The following KCTD16 variants were observed in gnomAD, a reference collection of about 807,000 sequenced individuals.
KCTD16 encodes potassium channel tetramerization domain containing 16, also known as BTB/POZ domain-containing protein KCTD16.
Under a neutral mutation model 33.2 loss-of-function variants are expected in KCTD16, and 13 were observed. The ratio of observed to expected loss-of-function variants is 0.39; its 90% confidence interval spans 0.25 to 0.62. The LOEUF (loss-of-function observed/expected upper bound fraction) is 0.62, where lower values mean the gene tolerates loss of function less well. Among genes scored for constraint, KCTD16 ranks in the 20% least tolerant of loss-of-function variants. The probability of loss-of-function intolerance (pLI) is 0.50; values close to 1 mark genes in which losing one functional copy is unlikely to be tolerated. For synonymous variants in KCTD16, 197 were observed against 195.3 expected, an observed-to-expected ratio of 1.01 and a Z score of -0.07; for missense variants, 441 against 525.1, an observed-to-expected ratio of 0.84 and a Z score of 1.57.
chr5:144,263,217 G>C (rs1755058309), intron 3 of KCTD16, among the ~76,000 whole-genome samples: 1 of 152,154 alleles, frequency 6.6e-6, no homozygotes, highest in Admixed American at 6.5e-5. Flanking sequence ...GTCCAAACTG[G>C]TTTACAGCAA....
chr5:144,177,481 T>G (rs1011255423), intron 2 of KCTD16, among the ~76,000 whole-genome samples: 1 of 152,204 alleles, frequency 6.6e-6, no homozygotes, highest in African/African-American at 2.4e-5. Context: ...TGGCAAGGCT[T>G]TTTCCTTCTC....
intron 3 of KCTD16, among the ~76,000 whole-genome samples, chr5:144,456,508 T>C (rs1754066671): frequency 6.6e-6 from 1 of 152,118 alleles, no homozygotes; most frequent in African/African-American, 2.4e-5. Flanking sequence ...AGGGAGGACT[T>C]AGCCTAAACT....
chr5:144,417,898 A>C (rs1440163858), intron 3 of KCTD16, among the ~76,000 whole-genome samples: 1 of 152,154 alleles, frequency 6.6e-6, no homozygotes, highest in Non-Finnish European at 1.5e-5. Context: ...TGCTGACTTC[A>C]AGAATGAAGC....
chr5:144,213,956 T>G (rs940180509), intron 3 of KCTD16, among the ~76,000 whole-genome samples: 1 of 152,196 alleles, frequency 6.6e-6, no homozygotes, highest in Non-Finnish European at 1.5e-5. Context: ...CAGTGGGCCC[T>G]GTTGACTATG....
chr5:144,277,118 A>T (rs1233551174), intron 3 of KCTD16, among the ~76,000 whole-genome samples: 1 of 152,146 alleles, frequency 6.6e-6, no homozygotes, highest in African/African-American at 2.4e-5. Context: ...TGAAAAACTC[A>T]CTATCTATTT....
chr5:144,343,445 T>G (rs370781943), intron 3 of KCTD16, among the ~76,000 whole-genome samples: 3 of 152,222 alleles, frequency 2.0e-5, no homozygotes, highest in Admixed American at 1.3e-4. Context: ...CATTTTCTCT[T>G]ATGTCTATTT....
At chr5:144,190,778 T>G (rs1264644163) in intron 2 of KCTD16, among the ~76,000 whole-genome samples, 1 of 152,238 alleles carries the variant, frequency 6.6e-6, no homozygotes, top group South Asian at 2.1e-4. Flanking sequence ...TGCTTATTCA[T>G]TTATTGTCTA....
intron 3 of KCTD16, among the ~76,000 whole-genome samples, chr5:144,449,212 A>G (rs1753887480): frequency 6.6e-6 from 1 of 152,016 alleles, no homozygotes; most frequent in African/African-American, 2.4e-5. Flanking sequence ...GAAGTGAAAG[A>G]TTTGTACACT....
chr5:144,449,086 G>T (rs1042870390), intron 3 of KCTD16, among the ~76,000 whole-genome samples: 1 of 151,958 alleles, frequency 6.6e-6, no homozygotes, highest in Non-Finnish European at 1.5e-5. Flanking sequence ...CTGATTTTCT[G>T]CAATCAATAT....
intron 3 of KCTD16, among the ~76,000 whole-genome samples, chr5:144,382,757 G>T (rs1237686623): frequency 6.6e-6 from 1 of 152,184 alleles, no homozygotes; most frequent in African/African-American, 2.4e-5. Flanking sequence ...TGGATCCACT[G>T]CGAGGTTCTG....
intron 2 of KCTD16, among the ~76,000 whole-genome samples, chr5:144,201,713 A>T (rs1256728381): frequency 3.3e-5 from 5 of 152,328 alleles, no homozygotes; most frequent in Admixed American, 6.5e-5. Context: ...TGGAAGAGGG[A>T]TAACGACTGA....
Position 144,315,388 on chromosome 5 carries a change from C to T in KCTD16, c.832+107842C>T, listed in dbSNP as rs182585070. ...TTTTTATTTATCTGTGCTAAAGAAA[C>T]ATTTCTTTACACTTATTTCTAAAAT... On this transcript the variant is annotated intron_variant, in intron 3 of 3. Transcript: ENST00000512467. 4.2e-4 allele frequency among the ~76,000 whole-genome samples: 64 copies of T among 152,254 alleles called. 1 individual carries two copies. The highest frequency in any genetic ancestry group is 1.8e-4 in the Non-Finnish European group (12 of 68,022).
chr5:144,427,208 G>C (rs952332052), intron 3 of KCTD16, among the ~76,000 whole-genome samples: 6 of 150,844 alleles, frequency 4.0e-5, no homozygotes, highest in African/African-American at 1.2e-4. Context: ...AAAGAAGTTG[G>C]AATAAACTTC....
intron 3 of KCTD16, among the ~76,000 whole-genome samples, chr5:144,340,152 C>A (rs555974036): frequency 6.6e-6 from 1 of 151,974 alleles, no homozygotes; most frequent in African/African-American, 2.4e-5. Context: ...TGGTGGCTCA[C>A]GCCTGTAATC....
chr5:144,420,520 G>T (rs1375892841), intron 3 of KCTD16, among the ~76,000 whole-genome samples: 3 of 152,086 alleles, frequency 2.0e-5, no homozygotes, highest in Non-Finnish European at 4.4e-5. Context: ...AAATGTGTGT[G>T]TGTGTGTGTG....
intron 3 of KCTD16, among the ~76,000 whole-genome samples, chr5:144,361,599 C>T (rs918767481): frequency 1.3e-5 from 2 of 152,110 alleles, no homozygotes; most frequent in East Asian, 1.9e-4. Context: ...AGAACCCCTT[C>T]GTTGCTTACT....
chr5:144,331,735 T>C (rs781117658), intron 3 of KCTD16, among the ~76,000 whole-genome samples: 2 of 152,202 alleles, frequency 1.3e-5, no homozygotes, highest in Non-Finnish European at 2.9e-5. Flanking sequence ...AGACTCTCTA[T>C]CCTTAAGGAG....
intron 3 of KCTD16, among the ~76,000 whole-genome samples, chr5:144,396,579 G>A (rs1752571384): frequency 6.6e-6 from 1 of 152,034 alleles, no homozygotes; most frequent in African/African-American, 2.4e-5. Flanking sequence ...ATAATTGTGG[G>A]TCAGAGCCTC....
chr5:144,412,756 C>T (rs1285985099), intron 3 of KCTD16, among the ~76,000 whole-genome samples: 7 of 151,920 alleles, frequency 4.6e-5, no homozygotes, highest in Non-Finnish European at 8.8e-5. Context: ...CATGGTGGTG[C>T]GCACCTGTAA....
Sources: allele counts gnomAD v4.1 joint callset (sites outside exome capture counted in the v4.1 genomes callset), GRCh38; gene constraint gnomAD v4.1.1; transcripts MANE v1.5; gene names NCBI Gene and HGNC (gene_info 2026-07-23, HGNC 2026-07-21).